The following PRRC2B variants were observed in gnomAD, a reference collection of about 807,000 sequenced individuals.
The protein encoded by PRRC2B is proline rich coiled-coil 2B.
A neutral mutation model predicts 242.3 loss-of-function variants in PRRC2B; 68 were observed. The ratio of observed to expected loss-of-function variants is 0.28; its 90% CI spans 0.23 to 0.34. The LOEUF (loss-of-function observed/expected upper bound fraction) is 0.34, where lower values mean the gene tolerates loss of function less well. Ranked by LOEUF, PRRC2B falls within the 10% of genes least tolerant of loss-of-function variation. PRRC2B has a pLI of 1.00. For missense variants in PRRC2B, 2,835 were observed against 2,954.8 expected (o/e 0.96, Z 0.94); for synonymous variants, 1,228 against 1,173.6 (o/e 1.05, Z -0.95).
Position 131,482,888 on chromosome 9 carries a change from A to C in PRRC2B, c.5354A>C (p.Glu1785Ala). Reference sequence around the variant, plus strand: ...TCCGTGCTGCCTGTGCCACCCATTGAATTTGGAGTCAGTCCAAAAGTGAGG... The same window carrying C: ...TCCGTGCTGCCTGTGCCACCCATTGCATTTGGAGTCAGTCCAAAAGTGAGG... ...VDSVLPVPPI[E>A]FGVSPKDSDF... is the part of the protein sequence containing the mutation. The change falls in exon 22 of 32, where the codon GAA becomes GCA. Residue 1785 changes from glutamate (E) to alanine (A), a missense_variant. Transcript: ENST00000683519. The surrounding 1 kb of genome is among the most constrained non-coding windows in gnomAD (Gnocchi z 5.2). 6.2e-7 allele frequency: 1 copy of C among 1,607,438 alleles called. No individual in the cohort carries two copies. Among genetic ancestry groups the C allele is most frequent in the Admixed American group, 1.7e-5 (1 of 58,898 alleles).
In PRRC2B at chr9:131,448,543, C is replaced by CAAAAAAAAAAAAAAAAAACAA. The variant is rs1838885117; in HGVS notation, c.1120+757_1120+758insCAAAAAAAAAAAAAAAAAAAA. Among the ~76,000 whole-genome samples, 6 of 39,894 alleles carry CAAAAAAAAAAAAAAAAAACAA rather than the reference C, an allele frequency of 1.5e-4. 1 individual carries two copies. The highest frequency in any genetic ancestry group is 1.2e-3 in the East Asian group (2 of 1,678). The allele number at this position is 39,894 out of a possible 152,430, so 26.2% of individuals were successfully genotyped here. A position where few individuals can be genotyped will look rare whatever the true frequency, so the allele number is the denominator to read the frequency against. On this transcript the variant is annotated intron_variant, in intron 9 of 31. Transcript: ENST00000683519. ...TGGGCGACAGAGGGAGACACTGTCT[C>CAAAAAAAAAAAAAAAAAACAA]AAAAAAAAAAAAAAAAAAAAAAAAA...
chr9:131,445,932 T>C (rs997890359), intron 6 of PRRC2B, among the ~76,000 whole-genome samples: 8 of 152,228 alleles, frequency 5.3e-5, no homozygotes, highest in African/African-American at 1.4e-4. Flanking sequence ...GCCTGTCTTG[T>C]GGGCTGGGGG....
Position 131,380,886 on chromosome 9 carries a change from C to CAAAAAAAAAAAAAAAAAA in PRRC2B, c.-56+7168_-56+7169insAAAAAAAAAAAAAAAAAA, listed in dbSNP as rs61180556. ...GTGTGACAGTGTGAGATTCTGTCTC[C>CAAAAAAAAAAAAAAAAAA]AAAAAAAAAAAAAGAGTGATTTGTA... On this transcript the variant is annotated intron_variant, in intron 1 of 1. Transcript: ENST00000682525. 3.7e-5 allele frequency among the ~76,000 whole-genome samples: 4 copies of CAAAAAAAAAAAAAAAAAA among 108,338 alleles called. 1 individual carries two copies. The highest frequency in any genetic ancestry group is 6.9e-5 in the African/African-American group (2 of 29,108). 71.1% of individuals were successfully genotyped at this position (108,338 alleles called of 152,430 possible).
Position 131,446,395 on chromosome 9 carries a change from T to G in PRRC2B, c.614-6T>G. On this transcript the variant is annotated splice_region_variant and splice_polypyrimidine_tract_variant and intron_variant, in intron 6 of 31. Transcript: ENST00000683519. This position sits in a 1 kb window ranked among gnomAD's most constrained non-coding sequence, Gnocchi z 4.1. ...CTCTCCCCTTTTGCCCCCTTTCAAT[T>G]TCCAGATGTGACAAGCTGGAGGGAG... 6.2e-7 allele frequency: 1 copy of G among 1,613,686 alleles called. No homozygotes were observed. Among genetic ancestry groups the G allele is most frequent in the Non-Finnish European group, 8.5e-7 (1 of 1,179,816 alleles).
chr9:131,449,363 C>CTT (rs149956804), intron 9 of PRRC2B, among the ~76,000 whole-genome samples: 570 of 147,060 alleles, frequency 3.9e-3, no homozygotes, highest in Middle Eastern at 7.0e-3. Context: ...TGGTGTTCAT[C>CTT]TTTTTTTTTT....
At chr9:131,472,809 A>G (rs1943583129) in intron 14 of PRRC2B, among the ~76,000 whole-genome samples, 1 of 152,098 alleles carries the variant, frequency 6.6e-6, no homozygotes, top group Non-Finnish European at 1.5e-5. Context: ...AGATATTCCA[A>G]CTATGATATT....
intron 1 of PRRC2B, among the ~76,000 whole-genome samples, chr9:131,429,730 A>G (rs1564281093): frequency 6.6e-6 from 1 of 151,558 alleles, no homozygotes. Context: ...CTGAGCATTT[A>G]TTTTTCCATC....
At chr9:131,489,219 C>T (rs1944114563) in intron 28 of PRRC2B, among the ~76,000 whole-genome samples, 1 of 146,506 alleles carries the variant, frequency 6.8e-6, no homozygotes, top group African/African-American at 2.5e-5. Context: ...GAGTTTCGCT[C>T]TGTTGCCCAG....
chr9:131,430,585 GTGTGTGTGTGTATA>G (rs1309101424), intron 2 of PRRC2B, among the ~76,000 whole-genome samples: 2 of 135,864 alleles, frequency 1.5e-5, no homozygotes, highest in Non-Finnish European at 3.2e-5. Context: ...GTGTGTGTGT[GTGTGTGTGTGTATA>G]TATATGTTTT....
chr9:131,394,467 G>A (rs1234735774), intron 1 of PRRC2B, among the ~76,000 whole-genome samples: 1 of 146,758 alleles, frequency 6.8e-6, no homozygotes, highest in South Asian at 2.1e-4. Flanking sequence ...AGGCCGCGGG[G>A]CCTGGGGGCG....
At chr9:131,388,784 C>A (rs567473241) in intron 1 of PRRC2B, among the ~76,000 whole-genome samples, 1 of 149,346 alleles carries the variant, frequency 6.7e-6, no homozygotes, top group African/African-American at 2.4e-5. Context: ...CCTCGTGATC[C>A]GCCCTCCTTG....
intron 28 of PRRC2B, chr9:131,491,124 T>C (rs1287110203): frequency 2.9e-6 from 1 of 350,306 alleles, no homozygotes; most frequent in Non-Finnish European, 5.2e-6. Flanking sequence ...TTAGCAGAGA[T>C]GTGGATGAGA....
rs759289905 is a variant in PRRC2B at position 131,475,871 on chromosome 9, C to T, written c.3742C>T (p.Arg1248Trp). ...TGGCCCTTCCGACACATGCGGATCC[C>T]GGCGACCTACAGACAGAGACTATGT... ...EYGPSDTCGS[R>W]RPTDRDYVPD... is the part of the protein sequence containing the mutation. The change falls in exon 16 of 32, where the codon CGG (arginine) becomes TGG (tryptophan). Residue 1248 changes from arginine to tryptophan, a missense_variant. Around this residue, in one of 7 missense-constraint regions of PRRC2B, gnomAD observed 1,536 missense variants for 1,483.1 expected, o/e 1.04. Transcript: ENST00000683519. The T allele has an allele frequency of 3.3e-5, 53 of 1,613,672 alleles. No individual in the cohort carries two copies. Among genetic ancestry groups the T allele is most frequent in the Non-Finnish European group, 3.6e-5 (43 of 1,179,790 alleles).
In PRRC2B at chr9:131,495,596, A is replaced by C. The variant is rs1944312532; in HGVS notation, c.6556-144A>C. ...TTTCCTTACTAGGAGGGGGGTTTCT[A>C]AGTCTGGTCCTTCAACCAAGGGACT... is the stretch of plus-strand genomic sequence containing the variant. On this transcript the variant is annotated intron_variant, in intron 31 of 31. Coordinates refer to ENST00000683519, the MANE Select transcript of PRRC2B (RefSeq NM_013318.4). 3 of 887,730 alleles carry C rather than the reference A, an allele frequency of 3.4e-6. No individual in the cohort carries two copies. The African/African-American group carries it at 5.0e-5, about 15-fold the overall frequency. The allele number at this position is 887,730 out of a possible 1,614,324, so 55.0% of individuals were successfully genotyped here.
chr9:131,380,607 C>T (rs964893941), intron 1 of PRRC2B, among the ~76,000 whole-genome samples: 4 of 151,088 alleles, frequency 2.6e-5, no homozygotes, highest in Middle Eastern at 3.2e-3. Flanking sequence ...AGGCCGGCCG[C>T]AGTGGCTCAT....
At chr9:131,447,278 G>A in intron 8 of PRRC2B, 72 bp downstream of exon 8, 1 of 1,574,864 alleles carries the variant, frequency 6.3e-7, no homozygotes, top group Admixed American at 1.7e-5. Context: ...ATGAGGGGCT[G>A]ATGAATAGAA....
chr9:131,458,404 A>C (rs866116563), intron 10 of PRRC2B, among the ~76,000 whole-genome samples: 1 of 152,140 alleles, frequency 6.6e-6, no homozygotes, highest in African/African-American at 2.4e-5. Flanking sequence ...GCCACACTGG[A>C]AGAGTTGTCT....
intron 1 of PRRC2B, among the ~76,000 whole-genome samples, chr9:131,416,114 CTTT>C (rs562809102): frequency 6.9e-6 from 1 of 145,254 alleles, no homozygotes; most frequent in South Asian, 2.2e-4. Context: ...TCTTTTCTTT[CTTT>C]TTTTTTTTTA....
chr9:131,477,888 G>A lies in PRRC2B; in HGVS notation c.4551G>A (p.Leu1517=). The A allele has an allele frequency of 1.2e-6, 2 of 1,614,010 alleles. No individual in the cohort carries two copies. The highest frequency in any genetic ancestry group is 1.7e-5 in the Admixed American group (1 of 60,018). The change falls in exon 17 of 32, where the codon TTG becomes TTA. Residue 1517 remains leucine (L), a synonymous_variant. Coordinates refer to ENST00000683519, the MANE Select transcript of PRRC2B (RefSeq NM_013318.4). ...AAAAGGCAGAGAAGGAGGCCAAGTT[G>A]GCTGCTCCGAGGGCAGGTGAACAGG... ...SSKKAEKEAK[L]AAPRAGEQGE...
Sources: allele counts gnomAD v4.1 joint callset (sites outside exome capture counted in the v4.1 genomes callset), GRCh38; gene constraint gnomAD v4.1.1; regional missense constraint gnomAD v4.1.1; non-coding constraint Gnocchi (gnomAD v3.1); transcripts MANE v1.5; gene names NCBI Gene and HGNC (gene_info 2026-07-23, HGNC 2026-07-21).